Variants in DMTN observed in about 807,000 individuals in gnomAD.
DMTN encodes dematin actin binding protein.
Under a neutral mutation model 59.4 loss-of-function variants are expected in DMTN, and 27 were observed. The observed-to-expected ratio is 0.45, with a 90% CI of 0.33 to 0.63. DMTN has a LOEUF of 0.63. Ranked by LOEUF, DMTN falls within the 20% of genes least tolerant of loss-of-function variation. The probability of loss-of-function intolerance (pLI) is 0.02; values close to 1 mark genes in which losing one functional copy is unlikely to be tolerated. For synonymous variants in DMTN, 221 were observed against 203.7 expected, an observed-to-expected ratio of 1.08 and a Z score of -0.72; for missense variants, 451 against 528.9, an observed-to-expected ratio of 0.85 and a Z score of 1.45.
intron 1 of DMTN, 126 bp downstream of exon 1, chr8:22,057,262 T>C (rs1259990817): frequency 7.9e-5 from 12 of 152,224 alleles, no homozygotes; most frequent in Admixed American, 7.9e-4. Context: ...CCCTGTTCAG[T>C]GGGAGGATGG....
rs145734711 is a variant in DMTN, at chr8:22,074,674, A to G, written c.835+839A>G. Among the ~76,000 whole-genome samples the G allele has an allele frequency of 2.9e-4, 44 of 152,318 alleles. No homozygotes were observed. The East Asian group carries it at 7.1e-3, about 25-fold the overall frequency. ...ATGGTGTGGGAGCGAAATTGGGAAC[A>G]TGAAACATCTGGCTGGCTGAGCCTC... On this transcript the variant is annotated intron_variant, in intron 10 of 15. Transcript: ENST00000358242.
chr8:22,051,623 C>G (rs1801363047), upstream of DMTN, among the ~76,000 whole-genome samples: 1 of 152,168 alleles, frequency 6.6e-6, no homozygotes, highest in African/African-American at 2.4e-5. Context: ...ACCCAAGATT[C>G]CCTCCCGCTC....
chr8:22,070,629 G>A (rs1351775874), intron 8 of DMTN, among the ~76,000 whole-genome samples: 1 of 152,162 alleles, frequency 6.6e-6, no homozygotes, highest in African/African-American at 2.4e-5. Context: ...GGGGAGCACT[G>A]GGAAAGAGAA....
chr8:22,049,481 G>A (rs963668367), upstream of DMTN, among the ~76,000 whole-genome samples: 1 of 151,942 alleles, frequency 6.6e-6, no homozygotes, highest in Non-Finnish European at 1.5e-5. Flanking sequence ...TGTGCGTGTG[G>A]GGAGTGGAAC....
chr8:22,065,218 G>T (rs919845739), intron 1 of DMTN, among the ~76,000 whole-genome samples: 1 of 152,132 alleles, frequency 6.6e-6, no homozygotes, highest in African/African-American at 2.4e-5. Context: ...ATTTTTGCTA[G>T]AGACGAGGTC....
Position 22,081,094 on chromosome 8 carries a change from CCCCT to C in DMTN, c.1024-15_1024-12del. 1.7e-6 allele frequency: 1 copy of C among 599,800 alleles called. No individual in the cohort carries two copies. The highest frequency in any genetic ancestry group is 2.0e-5 in the African/African-American group (1 of 51,160). The allele number at this position is 599,800 out of a possible 1,614,324, so 37.2% of individuals were successfully genotyped here. A position where few individuals can be genotyped will look rare whatever the true frequency, so the allele number is the denominator to read the frequency against. ...AGGATATTCTGTGAGCCTAAGATTGCCCCTCCCCCCACCCCCAGATCTATCCCTA... is the reference window on the plus strand; with the variant it reads ...AGGATATTCTGTGAGCCTAAGATTGCCCCCCCACCCCCAGATCTATCCCTA... On this transcript the variant is annotated splice_polypyrimidine_tract_variant and intron_variant, in intron 14 of 15. Transcript: ENST00000358242.
intron 1 of DMTN, among the ~76,000 whole-genome samples, chr8:22,062,383 C>T (rs963967813): frequency 1.3e-5 from 2 of 152,190 alleles, no homozygotes; most frequent in African/African-American, 2.4e-5. Context: ...TAGGCATAAG[C>T]CACTGCCCAG....
intron 10 of DMTN, among the ~76,000 whole-genome samples, chr8:22,076,883 G>T (rs1310507878): frequency 6.6e-6 from 1 of 152,108 alleles, no homozygotes; most frequent in Non-Finnish European, 1.5e-5. Flanking sequence ...TGGGAACTTG[G>T]ATCCAGGGGC....
Position 22,066,736 on chromosome 8 carries a change from C to A in DMTN, c.-140C>A. 2.1e-6 allele frequency: 2 copies of A among 960,946 alleles called. No homozygotes were observed. The highest frequency in any genetic ancestry group is 2.8e-6 in the Non-Finnish European group (2 of 726,212). 59.5% of individuals were successfully genotyped at this position (960,946 alleles called of 1,614,324 possible). On this transcript the variant is annotated 5_prime_UTR_variant, in exon 2 of 16. Coordinates refer to ENST00000358242, the MANE Select transcript of DMTN (RefSeq NM_001387751.1). ...GAGTCACCGCCGAGGGATGAGGACG[C>A]GCCAGCCCGGGGGAACGCGCCAGCT...
intron 14 of DMTN, 36 bp downstream of exon 14, chr8:22,080,906 C>A (rs747805939): frequency 6.5e-7 from 1 of 1,536,350 alleles, no homozygotes; most frequent in Admixed American, 2.0e-5. Context: ...TGTAGCGGGG[C>A]GGGAGGCTGG....
Position 22,073,804 on chromosome 8 carries a change from C to T in DMTN, c.804C>T (p.Arg268=). The stretch of plus-strand genomic sequence containing the variant: ...CATTGCCGATCCGAAGGAAAACCCG[C>T]TCTCTGCCTGACCGGACACCCTTCC... ...EKSLPIRRKT[R]SLPDRTPFHT... is the part of the protein sequence containing the mutation. The change falls in exon 10 of 16, where the codon CGC becomes CGT. Residue 268 remains arginine (R), a synonymous_variant. Transcript: ENST00000358242. 6.2e-7 allele frequency: 1 copy of T among 1,614,126 alleles called. No homozygotes were observed. The highest frequency in any genetic ancestry group is 1.3e-5 in the African/African-American group (1 of 75,028).
Position 22,070,179 on chromosome 8 carries a change from C to T in DMTN, c.452-3C>T. On this transcript the variant is annotated splice_region_variant and splice_polypyrimidine_tract_variant and intron_variant, in intron 7 of 15. Transcript: ENST00000358242. ...CCTGGCTGACCCTGGCCTTTGTCTG[C>T]AGAGTCCGTGGGAGGCAGCCCTCAG... 6.3e-7 allele frequency: 1 copy of T among 1,578,852 alleles called. No homozygotes were observed. Among genetic ancestry groups the T allele is most frequent in the Non-Finnish European group, 8.6e-7 (1 of 1,160,440 alleles).
Position 22,080,743 on chromosome 8 carries a change from G to A in DMTN, c.958-62G>A, listed in dbSNP as rs187170818. ...GTTGCCTGGTGAAGAAGAAGAAGCC[G>A]GGGTAAGGCTGGGAAGGTCTCCCTG... is the stretch of plus-strand genomic sequence containing the variant. On this transcript the variant is annotated intron_variant, in intron 13 of 15. Coordinates refer to ENST00000358242, the MANE Select transcript of DMTN (RefSeq NM_001387751.1). The A allele has an allele frequency of 4.2e-4, 662 of 1,589,660 alleles. 5 individuals are homozygous for A. The African/African-American group carries it at 6.9e-3, about 17-fold the overall frequency.
rs759978438 is a variant in DMTN at position 22,081,415 on chromosome 8, G to C, written c.1170G>C (p.Leu390=). The C allele has an allele frequency of 1.9e-6, 3 of 1,613,980 alleles. No homozygotes were observed. The African/African-American group carries it at 4.0e-5, about 22-fold the overall frequency. Residue 390 remains leucine, a synonymous_variant, in exon 16 of 16, where the codon CTG becomes CTC. Coordinates refer to ENST00000358242, the MANE Select transcript of DMTN (RefSeq NM_001387751.1). ...FAMSPEEFGK[L]ALWKRNELKK... Reference sequence around the variant, plus strand: ...TGTCCCCTGAAGAGTTTGGCAAGCTGGCTCTGTGGAAGCGGAATGAGCTCA... The same window carrying C: ...TGTCCCCTGAAGAGTTTGGCAAGCTCGCTCTGTGGAAGCGGAATGAGCTCA...
chr8:22,052,740 A>G (rs963071427), upstream of DMTN, among the ~76,000 whole-genome samples: 1 of 152,126 alleles, frequency 6.6e-6, no homozygotes, highest in Non-Finnish European at 1.5e-5. Flanking sequence ...GGGAATAAGG[A>G]AACTAATATG....
upstream of DMTN, among the ~76,000 whole-genome samples, chr8:22,052,537 T>G (rs1801457293): frequency 6.6e-6 from 1 of 152,212 alleles, no homozygotes; most frequent in South Asian, 2.1e-4. Context: ...CTAATCCTTC[T>G]GTTAATAAAA....
chr8:22,072,680 G>A (rs1233814632), intron 9 of DMTN, among the ~76,000 whole-genome samples: 2 of 126,706 alleles, frequency 1.6e-5, no homozygotes, highest in Admixed American at 1.8e-4. Context: ...TTGCCGTGTT[G>A]GCCAGGCTGG....
chr8:22,062,299 T>C (rs1807158729), intron 1 of DMTN, among the ~76,000 whole-genome samples: 2 of 152,204 alleles, frequency 1.3e-5, no homozygotes, highest in East Asian at 1.9e-4. Context: ...GGTCTCTCTA[T>C]GTTGCCCAGG....
chr8:22,049,379 C>A (rs1801094683), upstream of DMTN, among the ~76,000 whole-genome samples: 1 of 150,464 alleles, frequency 6.6e-6, no homozygotes, highest in Non-Finnish European at 1.5e-5. Flanking sequence ...GCCCGGATGG[C>A]CCGGGGGGTA....
Sources: gnomAD v4.1 joint callset for allele counts (sites outside exome capture counted in the v4.1 genomes callset) on GRCh38, gnomAD v4.1.1 for gene constraint, MANE v1.5 for transcripts, NCBI Gene and HGNC (gene_info 2026-07-23, HGNC 2026-07-21) for gene names.